TRAPPC10: variants seen among roughly 807,000 people sequenced by gnomAD.
TRAPPC10 encodes the protein TRAPP 130 kDa subunit.
In TRAPPC10, 23 loss-of-function variants were observed where a neutral mutation model predicts 125.5. The observed-to-expected ratio is 0.18, with a 90% confidence interval of 0.13 to 0.26. TRAPPC10 has a LOEUF of 0.26. TRAPPC10 is among the 10% of genes least tolerant of loss of function. TRAPPC10 has a pLI of 1.00. For synonymous variants in TRAPPC10, 509 were observed against 518.0 expected, an observed-to-expected ratio of 0.98 and a Z score of 0.24; for missense variants, 1,123 against 1,308.4, an observed-to-expected ratio of 0.86 and a Z score of 2.19.
At chr21:44,079,477 G>A in intron 11 of TRAPPC10, 87 bp from the exon 12 acceptor site, 2 of 1,472,492 alleles carry the variant, frequency 1.4e-6, no homozygotes, top group African/African-American at 1.4e-5. Context: ...GGGTCTGGAG[G>A]ATGGAGGCCA....
chr21:44,083,179 G>T lies in TRAPPC10; in HGVS notation c.2115G>T (p.Arg705Ser). The change falls in exon 14 of 23, where the codon AGG (arginine) becomes AGT (serine). Residue 705 changes from arginine (R) to serine (S), a missense_variant. Arg to Ser is a moderately radical substitution (Grantham distance 110). This residue lies in a region of TRAPPC10 where 840 missense variants were observed against 902.0 expected (regional missense o/e 0.93). Coordinates refer to ENST00000291574, the MANE Select transcript of TRAPPC10 (RefSeq NM_003274.5). ...GAAACGTCCACATGCTCCTGAGAAGGCAGGAGAGCAGCTCCTCTCTAGAGA... is the reference window on the plus strand; with the variant it reads ...GAAACGTCCACATGCTCCTGAGAAGTCAGGAGAGCAGCTCCTCTCTAGAGA... The part of the protein sequence containing the change: ...ICRNVHMLLR[R>S]QESSSSLEMP... The T allele has an allele frequency of 6.2e-7, 1 of 1,614,242 alleles. No individual in the cohort carries two copies.
chr21:44,065,090 C>T (rs1179766227), intron 7 of TRAPPC10, among the ~76,000 whole-genome samples: 1 of 152,166 alleles, frequency 6.6e-6, no homozygotes, highest in Non-Finnish European at 1.5e-5. Flanking sequence ...TTTTGTCTTA[C>T]TAGCCGGGAG....
At chr21:44,029,512 A>G (rs2033386221) in intron 1 of TRAPPC10, among the ~76,000 whole-genome samples, 1 of 152,226 alleles carries the variant, frequency 6.6e-6, no homozygotes, top group African/African-American at 2.4e-5. Flanking sequence ...GTATATGCTG[A>G]GAAAATGGTG....
At chr21:44,078,740 A>G (rs1601777160) in intron 11 of TRAPPC10, among the ~76,000 whole-genome samples, 1 of 152,282 alleles carries the variant, frequency 6.6e-6, no homozygotes, top group South Asian at 2.1e-4. Context: ...GGGAAAGGGG[A>G]GGGGATCCTT....
intron 7 of TRAPPC10, among the ~76,000 whole-genome samples, chr21:44,067,764 T>A (rs529266702): frequency 6.6e-6 from 1 of 152,160 alleles, no homozygotes; most frequent in Non-Finnish European, 1.5e-5. Flanking sequence ...TGGTAAACAT[T>A]TGCAGGTGCC....
chr21:44,021,808 G>T (rs1422295510), intron 1 of TRAPPC10, among the ~76,000 whole-genome samples: 2 of 152,116 alleles, frequency 1.3e-5, no homozygotes, highest in Admixed American at 1.3e-4. Flanking sequence ...CCCTTGAAAC[G>T]AGGAAAGGCC....
chr21:44,091,790 T>C (rs887118584), intron 18 of TRAPPC10, 133 bp from the exon 19 acceptor site: 15 of 864,830 alleles, frequency 1.7e-5, no homozygotes, highest in Admixed American at 2.8e-5. Context: ...GGGAAACTTA[T>C]GCAACAACTT....
chr21:44,026,992 C>T (rs938791827), intron 1 of TRAPPC10, among the ~76,000 whole-genome samples: 2 of 152,168 alleles, frequency 1.3e-5, no homozygotes, highest in Non-Finnish European at 2.9e-5. Context: ...ATAAGACAGC[C>T]CATTAGGTGG....
At chr21:44,057,490 G>A (rs559968875) in intron 5 of TRAPPC10, among the ~76,000 whole-genome samples, 1 of 152,172 alleles carries the variant, frequency 6.6e-6, no homozygotes, top group South Asian at 2.1e-4. Context: ...TAGAGATGGG[G>A]TTTTGCCATA....
In TRAPPC10 at chr21:44,074,482, C is replaced by T. The variant is rs756211847; in HGVS notation, c.1185+12C>T. 4.3e-6 allele frequency: 7 copies of T among 1,613,892 alleles called. No homozygotes were observed. In the East Asian group the frequency reaches 1.3e-4, roughly 31 times the overall value. ...ATGCCACAGAAAAGGTGCCTACCTG[C>T]CCAAGTGTGGAATGCTCACGTTGTC... On this transcript the variant is annotated intron_variant, in intron 8 of 22. Transcript: ENST00000291574.
chr21:44,054,747 A>C (rs761659375), intron 4 of TRAPPC10, among the ~76,000 whole-genome samples: 6 of 152,036 alleles, frequency 3.9e-5, no homozygotes, highest in Non-Finnish European at 8.8e-5. Flanking sequence ...TTTATTTGTT[A>C]ATTGTTTATT....
intron 7 of TRAPPC10, among the ~76,000 whole-genome samples, chr21:44,065,627 C>T (rs999328329): frequency 6.6e-6 from 1 of 152,190 alleles, no homozygotes; most frequent in Non-Finnish European, 1.5e-5. Context: ...GAACCCGCTT[C>T]CTGTTTCGTC....
chr21:44,026,973 C>T (rs903894714), intron 1 of TRAPPC10, among the ~76,000 whole-genome samples: 3 of 152,172 alleles, frequency 2.0e-5, no homozygotes, highest in African/African-American at 7.2e-5. Flanking sequence ...ATAAAGCCAG[C>T]CTTTGAAAAT....
chr21:44,055,777 A>G lies in TRAPPC10; in HGVS notation c.562A>G (p.Thr188Ala), dbSNP rs2035545888. ...GAATGCCTTCCTGACCAAACTCAGGACATTGCTTCTTATGTCTTTTACCAA... is the reference window on the plus strand; with the variant it reads ...GAATGCCTTCCTGACCAAACTCAGGGCATTGCTTCTTATGTCTTTTACCAA... The part of the protein sequence containing the change: ...SWNAFLTKLR[T>A]LLLMSFTKNL... Residue 188 changes from threonine (T) to alanine (A), a missense_variant, in exon 5 of 23, where the codon ACA becomes GCA. Around this residue, in one of 4 missense-constraint regions of TRAPPC10, gnomAD observed 177 missense variants for 228.9 expected, o/e 0.77. Coordinates refer to ENST00000291574, the MANE Select transcript of TRAPPC10 (RefSeq NM_003274.5). The G allele has an allele frequency of 1.9e-6, 3 of 1,613,994 alleles. No homozygotes were observed. Among genetic ancestry groups the G allele is most frequent in the Admixed American group, 1.7e-5 (1 of 60,020 alleles).
chr21:44,084,318 G>T, intron 15 of TRAPPC10, 55 bp downstream of exon 15: 1 of 1,532,934 alleles, frequency 6.5e-7, no homozygotes, highest in Non-Finnish European at 8.8e-7. Flanking sequence ...GTTCTGAGGA[G>T]ACCTGCTGAG....
intron 2 of TRAPPC10, among the ~76,000 whole-genome samples, chr21:44,037,423 AC>A (rs2034073663): frequency 6.6e-6 from 1 of 152,206 alleles, no homozygotes; most frequent in African/African-American, 2.4e-5. Context: ...TTAAAACTGC[AC>A]TTTGGACATT....
At chr21:44,091,709 A>G (rs1047685151) in intron 18 of TRAPPC10, 4 of 415,134 alleles carry the variant, frequency 9.6e-6, no homozygotes, top group Non-Finnish European at 1.8e-5. Context: ...AAGTGCTGGG[A>G]TTACAGGCGT....
At chr21:44,080,317 G>A (rs890907040) in intron 13 of TRAPPC10, among the ~76,000 whole-genome samples, 190 bp downstream of exon 13, 1 of 151,778 alleles carries the variant, frequency 6.6e-6, no homozygotes, top group Non-Finnish European at 1.5e-5. Flanking sequence ...GACCACATTA[G>A]ATCTTCTAAA....
Position 44,059,176 on chromosome 21 carries a change from C to G in TRAPPC10, c.752C>G (p.Ala251Gly). The G allele has an allele frequency of 6.2e-7, 1 of 1,611,476 alleles. No individual in the cohort carries two copies. Among genetic ancestry groups the G allele is most frequent in the Non-Finnish European group, 8.5e-7 (1 of 1,179,058 alleles). The change falls in exon 6 of 23, where the codon GCC becomes GGC. Residue 251 changes from alanine to glycine, a missense_variant. Ala to Gly is a moderately conservative substitution (Grantham distance 60, BLOSUM62 0). Coordinates refer to ENST00000291574, the MANE Select transcript of TRAPPC10 (RefSeq NM_003274.5). The surrounding 1 kb of genome is among the most constrained non-coding windows in gnomAD (Gnocchi z 4.4). ...DALVQYDELD[A>G]LFSQYVVNFG... The stretch of plus-strand genomic sequence containing the variant: ...CTGGTGCAGTACGACGAACTGGACG[C>G]CCTCTTCTCTCAGTATGTGGTCAAC...
Sources: gnomAD v4.1 joint callset for allele counts (sites outside exome capture counted in the v4.1 genomes callset) on GRCh38, gnomAD v4.1.1 for gene constraint, gnomAD v4.1.1 regional missense constraint, Gnocchi (gnomAD v3.1) non-coding constraint, MANE v1.5 for transcripts, NCBI Gene and HGNC (gene_info 2026-07-23, HGNC 2026-07-21) for gene names.